The following R3HDM2 variants were observed in gnomAD, a reference collection of about 807,000 sequenced individuals.
R3HDM2 encodes the protein R3H domain-containing protein 2.
Under a neutral mutation model 124.5 loss-of-function variants are expected in R3HDM2, and 38 were observed. That is an observed-to-expected ratio of 0.31 (90% CI 0.24 to 0.40). The LOEUF (loss-of-function observed/expected upper bound fraction) is 0.40. Among genes scored for constraint, R3HDM2 ranks in the 10% least tolerant of loss-of-function variants. The pLI is 1.00. For missense variants in R3HDM2, 869 were observed against 1,236.9 expected, an observed-to-expected ratio of 0.70 and a Z score of 4.46; for synonymous variants, 391 against 448.0, an observed-to-expected ratio of 0.87 and a Z score of 1.61.
intron 1 of R3HDM2, among the ~76,000 whole-genome samples, chr12:57,423,808 TAA>T (rs57587261): frequency 0.025 from 1,306 of 51,428 alleles, 31 homozygotes; most frequent in African/African-American, 0.11. Context: ...CTGTCTCAAT[TAA>T]AAAAAAAAAA....
chr12:57,400,472 T>C (rs1030785021), intron 1 of R3HDM2, among the ~76,000 whole-genome samples: 3 of 152,096 alleles, frequency 2.0e-5, no homozygotes, highest in African/African-American at 4.8e-5. Context: ...TTAGGAGATA[T>C]ACCTAACGTA....
At chr12:57,320,277 A>AAAAAAAAAAAAAAAAAAAAAAAAAAAC (rs2056170594) in intron 2 of R3HDM2, among the ~76,000 whole-genome samples, 1 of 143,148 alleles carries the variant, frequency 7.0e-6, no homozygotes, top group Non-Finnish European at 1.6e-5. Flanking sequence ...AAAAAAAAAA[A>AAAAAAAAAAAAAAAAAAAAAAAAAAAC]AAAAAAAAAA....
intron 2 of R3HDM2, among the ~76,000 whole-genome samples, chr12:57,350,944 CA>C (rs1198910808): frequency 6.6e-6 from 1 of 152,178 alleles, no homozygotes; most frequent in East Asian, 1.9e-4. Context: ...ATTAAAAATA[CA>C]AAAATTAGCT....
At chr12:57,334,243 T>C (rs2058580754) in intron 2 of R3HDM2, among the ~76,000 whole-genome samples, 2 of 152,220 alleles carry the variant, frequency 1.3e-5, no homozygotes, top group African/African-American at 4.8e-5. Context: ...CAAATTTATA[T>C]TTAACAGCAA....
At chr12:57,335,085 T>G (rs1004951101) in intron 2 of R3HDM2, among the ~76,000 whole-genome samples, 3 of 151,674 alleles carry the variant, frequency 2.0e-5, no homozygotes, top group Non-Finnish European at 4.4e-5. Context: ...GAGGCTATAG[T>G]GAGCTATGAT....
At chr12:57,278,245 C>A (rs1231652357) in intron 14 of R3HDM2, among the ~76,000 whole-genome samples, 2 of 152,184 alleles carry the variant, frequency 1.3e-5, no homozygotes, top group African/African-American at 4.8e-5. Flanking sequence ...CCAATGCCAA[C>A]GATCGACCAA....
intron 2 of R3HDM2, among the ~76,000 whole-genome samples, chr12:57,350,999 T>C (rs1284267726): frequency 6.6e-6 from 1 of 152,184 alleles, no homozygotes; most frequent in African/African-American, 2.4e-5. Flanking sequence ...CTCAGGAGGC[T>C]GAGGCAAAGA....
intron 2 of R3HDM2, among the ~76,000 whole-genome samples, chr12:57,345,842 A>G (rs1473807622): frequency 6.6e-6 from 1 of 152,112 alleles, no homozygotes; most frequent in African/African-American, 2.4e-5. Flanking sequence ...CATGCCTGGC[A>G]GCTTCATATT....
intron 2 of R3HDM2, among the ~76,000 whole-genome samples, chr12:57,356,795 G>A (rs1386931485): frequency 6.6e-6 from 1 of 152,224 alleles, no homozygotes; most frequent in Non-Finnish European, 1.5e-5. Context: ...TGTCTTTCAT[G>A]AAATGTGTCC....
chr12:57,292,867 G>A (rs976748484), intron 10 of R3HDM2, among the ~76,000 whole-genome samples, 200 bp from the exon 11 acceptor site: 3 of 152,110 alleles, frequency 2.0e-5, no homozygotes, highest in Non-Finnish European at 4.4e-5. Context: ...TTTTCTGGAT[G>A]GCTGGGGACT....
rs1329970172 is a variant in R3HDM2, at chr12:57,254,411, G to A, written c.*362C>T. The A allele has an allele frequency of 2.8e-6, 1 of 352,348 alleles. No individual in the cohort carries two copies. The highest frequency in any genetic ancestry group is 5.3e-6 in the Non-Finnish European group (1 of 189,002). The allele number at this position is 352,348 out of a possible 1,614,324, so 21.8% of individuals were successfully genotyped here. A position where few individuals can be genotyped will look rare whatever the true frequency, so the allele number is the denominator to read the frequency against. ...AGCTACTTGGGAGGCTGAGGCAGGA[G>A]AATCACCTGAACCCAGGAGCTGGAG... On this transcript the variant is annotated 3_prime_UTR_variant, in exon 24 of 24. Transcript: ENST00000402412.
At chr12:57,339,709 A>AG (rs1352126335) in intron 2 of R3HDM2, among the ~76,000 whole-genome samples, 5 of 151,626 alleles carry the variant, frequency 3.3e-5, no homozygotes, top group African/African-American at 7.3e-5. Context: ...AAAAAAAAAA[A>AG]AGAGAGAGAG....
Position 57,368,236 on chromosome 12 carries a change from T to A in R3HDM2, c.-36+27513A>T, listed in dbSNP as rs1364692607. Among the ~76,000 whole-genome samples the A allele has an allele frequency of 3.3e-5, 5 of 152,204 alleles. No individual in the cohort carries two copies. In the East Asian group the frequency reaches 9.6e-4, roughly 29 times the overall value. ...AAATTCAATGTGTATATATATATAT[T>A]TAACTTTTTAAGCAGAAAATACATT... is the stretch of plus-strand genomic sequence containing the variant. On this transcript the variant is annotated intron_variant, in intron 2 of 23. Coordinates refer to ENST00000402412, the MANE Select transcript of R3HDM2 (RefSeq NM_001394031.1).
At chr12:57,361,048 CAAAAAA>C (rs35437591) in intron 2 of R3HDM2, among the ~76,000 whole-genome samples, 76 of 60,040 alleles carry the variant, frequency 1.3e-3, no homozygotes, top group Middle Eastern at 0.017. Context: ...AGACACGTCT[CAAAAAA>C]AAAAAAAAAA....
At chr12:57,389,286 A>C (rs2066328761) in intron 2 of R3HDM2, among the ~76,000 whole-genome samples, 2 of 152,206 alleles carry the variant, frequency 1.3e-5, no homozygotes, top group African/African-American at 2.4e-5. Flanking sequence ...CTAATATACA[A>C]AGCTATACCC....
intron 2 of R3HDM2, among the ~76,000 whole-genome samples, chr12:57,353,401 A>G (rs2060887689): frequency 6.6e-6 from 1 of 152,174 alleles, no homozygotes; most frequent in Admixed American, 6.5e-5. Flanking sequence ...ATTAAAACCA[A>G]AAATTTCATG....
At chr12:57,407,364 G>C (rs1051180417) in intron 1 of R3HDM2, among the ~76,000 whole-genome samples, 8 of 151,982 alleles carry the variant, frequency 5.3e-5, no homozygotes, top group Admixed American at 5.3e-4. Context: ...GATACAATCA[G>C]TGAAATATGA....
chr12:57,339,696 TAA>T (rs746288298), intron 2 of R3HDM2, among the ~76,000 whole-genome samples: 28 of 130,964 alleles, frequency 2.1e-4, no homozygotes, highest in Admixed American at 2.3e-4. Context: ...AGACTCCATC[TAA>T]AAAAAAAAAA....
At chr12:57,316,832 C>T (rs2055147871) in intron 2 of R3HDM2, among the ~76,000 whole-genome samples, 1 of 151,704 alleles carries the variant, frequency 6.6e-6, no homozygotes, top group Non-Finnish European at 1.5e-5. Flanking sequence ...TCACTGCAAC[C>T]TCTGCCTCCT....
Sources: allele counts gnomAD v4.1 joint callset (sites outside exome capture counted in the v4.1 genomes callset), GRCh38; gene constraint gnomAD v4.1.1; transcripts MANE v1.5; gene names NCBI Gene and HGNC (gene_info 2026-07-23, HGNC 2026-07-21).